Variants in TRIM67 observed in about 807,000 individuals in gnomAD.
TRIM67 encodes the protein tripartite motif-containing protein 67.
A neutral mutation model predicts 71.0 loss-of-function variants in TRIM67; 39 were observed. The observed-to-expected ratio is 0.55, with a 90% CI of 0.43 to 0.72. TRIM67 has a LOEUF of 0.72. Among genes scored for constraint, TRIM67 ranks in the 30% least tolerant of loss-of-function variants. The pLI is 0.00. For synonymous variants in TRIM67, 481 were observed against 473.9 expected (o/e 1.01, Z -0.19); for missense variants, 973 against 1,079.2 (o/e 0.90, Z 1.38).
At chr1:231,208,633 CTG>C (rs528560696) in intron 7 of TRIM67, among the ~76,000 whole-genome samples, 49 of 152,268 alleles carry the variant, frequency 3.2e-4, no homozygotes, top group Non-Finnish European at 6.3e-4. Flanking sequence ...GTATTTCTAA[CTG>C]TGAGCATTTG....
chr1:231,190,597 C>T (rs1203810532), intron 1 of TRIM67, among the ~76,000 whole-genome samples: 2 of 152,144 alleles, frequency 1.3e-5, no homozygotes, highest in Non-Finnish European at 2.9e-5. Flanking sequence ...TTGCTCCCTT[C>T]GTAGCCAATG....
intron 1 of TRIM67, chr1:231,185,338 A>C: frequency 3.0e-6 from 3 of 989,484 alleles, no homozygotes; most frequent in Non-Finnish European, 4.4e-6. Flanking sequence ...GTCAGAAGGG[A>C]GAATGGCTCT....
chr1:231,163,192 C>T lies in TRIM67; in HGVS notation c.223C>T (p.Pro75Ser), dbSNP rs1439287694. 6.7e-7 allele frequency: 1 copy of T among 1,501,182 alleles called. No homozygotes were observed. Among genetic ancestry groups the T allele is most frequent in the African/African-American group, 1.5e-5 (1 of 68,864 alleles). The allele number at this position is 1,501,182 out of a possible 1,614,324, so 93.0% of individuals were successfully genotyped here. Residue 75 changes from proline (P) to serine (S), a missense_variant, in exon 1 of 10, where the codon CCG (proline) becomes TCG (serine). This residue lies in a region of TRIM67 where 795 missense variants were observed against 831.3 expected (regional missense o/e 0.96). Coordinates refer to ENST00000366653, the MANE Select transcript of TRIM67 (RefSeq NM_001004342.5). ...ASLEHDAAAG[P>S]ACGGAGGSAA... The stretch of plus-strand genomic sequence containing the variant: ...TCTGGAGCACGACGCTGCGGCTGGC[C>T]CGGCCTGCGGCGGTGCAGGCGGGAG...
chr1:231,173,340 G>A (rs1884427), intron 1 of TRIM67, among the ~76,000 whole-genome samples: 17,859 of 152,100 alleles, frequency 0.12, 1,341 homozygotes, highest in East Asian at 0.28. Flanking sequence ...TGAGGCCAGG[G>A]GTTCAAAACC....
At chr1:231,208,182 T>TG (rs1683765442) in intron 7 of TRIM67, among the ~76,000 whole-genome samples, 1 of 151,716 alleles carries the variant, frequency 6.6e-6, no homozygotes, top group South Asian at 2.1e-4. Flanking sequence ...CGAATTTTTT[T>TG]TTTTTTTTTG....
Position 231,163,775 on chromosome 1 carries a change from G to A in TRIM67, c.806G>A (p.Gly269Asp), listed in dbSNP as rs1682367414. The A allele has an allele frequency of 2.0e-6, 3 of 1,489,652 alleles. No individual in the cohort carries two copies. Among genetic ancestry groups the A allele is most frequent in the African/African-American group, 2.9e-5 (2 of 68,500 alleles). 92.3% of individuals were successfully genotyped at this position (1,489,652 alleles called of 1,614,324 possible). ...GCCGAGGCAGCCTCCGGGCCCACTG[G>A]CACCGCCCAGGGCGCCCCCAGCGGA... is the stretch of plus-strand genomic sequence containing the variant. Reference protein sequence around the residue: ...PPAEAASGPTGTAQGAPSGGG... With the variant: ...PPAEAASGPTDTAQGAPSGGG... Residue 269 changes from glycine to aspartate, a missense_variant, in exon 1 of 10, where the codon GGC (glycine) becomes GAC (aspartate). Physicochemically the swap from Gly to Asp is moderately conservative, Grantham distance 94. Around this residue, in one of 2 missense-constraint regions of TRIM67, gnomAD observed 795 missense variants for 831.3 expected, o/e 0.96. Transcript: ENST00000366653.
chr1:231,195,194 C>A (rs1683335497), intron 1 of TRIM67, among the ~76,000 whole-genome samples: 1 of 152,150 alleles, frequency 6.6e-6, no homozygotes, highest in Non-Finnish European at 1.5e-5. Context: ...CAGAAGCCTG[C>A]CAAATGTGAC....
chr1:231,178,552 G>A (rs1682815791), intron 1 of TRIM67, among the ~76,000 whole-genome samples: 1 of 152,204 alleles, frequency 6.6e-6, no homozygotes, highest in Non-Finnish European at 1.5e-5. Context: ...TCTTAGTGAC[G>A]GTGTCCTCTT....
At position 231,218,104 on chromosome 1, in the gene TRIM67, G is replaced by A. The variant is rs1684059364; in HGVS notation, c.*2664G>A. The A allele has an allele frequency of 1.5e-5, 16 of 1,075,142 alleles. No individual in the cohort carries two copies. The highest frequency in any genetic ancestry group is 4.4e-5 in the Admixed American group (1 of 22,506). The allele number at this position is 1,075,142 out of a possible 1,614,324, so 66.6% of individuals were successfully genotyped here. ...TGACTTCAAAGAGAACGACAGGTCC[G>A]TGCCACACACTTGTGTTTTTGAGGG... On this transcript the variant is annotated 3_prime_UTR_variant, in exon 10 of 10. Coordinates refer to ENST00000366653, the MANE Select transcript of TRIM67 (RefSeq NM_001004342.5).
chr1:231,201,448 C>T lies in TRIM67; in HGVS notation c.1465C>T (p.Leu489=), dbSNP rs749694806. The T allele has an allele frequency of 1.9e-6, 3 of 1,613,648 alleles. No homozygotes were observed. The East Asian group carries it at 6.7e-5, about 36-fold the overall frequency. The part of the protein sequence containing the change: ...LEPKVSAEFD[L]TLDSEPLLQA... ...GCCGAAAGTGTCTGCGGAGTTTGAT[C>T]TGACTTTGGACAGCGAGCCGCTGCT... Residue 489 remains leucine (L), a synonymous_variant, in exon 5 of 10, where the codon CTG becomes TTG. Coordinates refer to ENST00000366653, the MANE Select transcript of TRIM67 (RefSeq NM_001004342.5).
In TRIM67 at chr1:231,219,503, G is replaced by T; in HGVS notation, c.*4063G>T. On this transcript the variant is annotated 3_prime_UTR_variant, in exon 10 of 10. Coordinates refer to ENST00000366653, the MANE Select transcript of TRIM67 (RefSeq NM_001004342.5). ...GCCCAGGATTTTCCATGTGTCTTCA[G>T]GGGGCAGGTAGGGGAAAATGGGGTG... 9.4e-7 allele frequency: 1 copy of T among 1,067,172 alleles called. No homozygotes were observed. Among genetic ancestry groups the T allele is most frequent in the East Asian group, 8.5e-5 (1 of 11,790 alleles). The allele number at this position is 1,067,172 out of a possible 1,614,324, so 66.1% of individuals were successfully genotyped here. A position where few individuals can be genotyped will look rare whatever the true frequency, so the allele number is the denominator to read the frequency against.
Position 231,208,159 on chromosome 1 carries a change from C to T in TRIM67, c.1820-788C>T, listed in dbSNP as rs964175432. ...AAGCAGCTGGGACTATAGGCGCCCACCACCATGTCCAGCGAATTTTTTTTT... is the reference window on the plus strand; with the variant it reads ...AAGCAGCTGGGACTATAGGCGCCCATCACCATGTCCAGCGAATTTTTTTTT... On this transcript the variant is annotated intron_variant, in intron 7 of 9. Transcript: ENST00000366653. Among the ~76,000 whole-genome samples the T allele has an allele frequency of 2.6e-5, 4 of 151,620 alleles. No individual in the cohort carries two copies. In the East Asian group the frequency reaches 7.8e-4, roughly 29 times the overall value.
chr1:231,183,582 C>T (rs992059383), intron 1 of TRIM67, among the ~76,000 whole-genome samples: 3 of 152,106 alleles, frequency 2.0e-5, no homozygotes, highest in Non-Finnish European at 4.4e-5. Context: ...CCACTGCAAT[C>T]CAGACTGGAC....
intron 5 of TRIM67, among the ~76,000 whole-genome samples, chr1:231,202,168 T>TAGTCATGGAGGAGGAGAGGGA (rs1558304117): frequency 2.3e-4 from 1 of 4,352 alleles, no homozygotes; most frequent in African/African-American, 7.8e-4. Flanking sequence ...GAGGAGGTAG[T>TAGTCATGGAGGAGGAGAGGGA]GGAGGAGGAG....
chr1:231,200,623 G>A (rs1271633322), intron 4 of TRIM67, among the ~76,000 whole-genome samples: 3 of 152,156 alleles, frequency 2.0e-5, no homozygotes, highest in Admixed American at 6.5e-5. Context: ...CTGCAGGCCT[G>A]GCTGGTGACC....
In TRIM67 at chr1:231,217,989, C is replaced by G; in HGVS notation, c.*2549C>G. 8.2e-7 allele frequency: 1 copy of G among 1,222,466 alleles called. No homozygotes were observed. The highest frequency in any genetic ancestry group is 1.0e-6 in the Non-Finnish European group (1 of 957,776). The allele number at this position is 1,222,466 out of a possible 1,614,324, so 75.7% of individuals were successfully genotyped here. On this transcript the variant is annotated 3_prime_UTR_variant, in exon 10 of 10. Coordinates refer to ENST00000366653, the MANE Select transcript of TRIM67 (RefSeq NM_001004342.5). ...CCCTTTTCTGACTCCTCCAGGAGCC[C>G]AGAAGCAATACGGCCGATGCCAGGG...
intron 6 of TRIM67, 63 bp downstream of exon 6, chr1:231,204,075 C>T: frequency 1.3e-6 from 2 of 1,596,056 alleles, no homozygotes; most frequent in South Asian, 2.3e-5. Context: ...GGAGTGGCTC[C>T]CACTGCCCCA....
In TRIM67 at chr1:231,163,685, A is replaced by T; in HGVS notation, c.716A>T (p.His239Leu). ...TGCTCTGCCTGCCAGCTCAAGTGCC[A>T]TCCATCCCGGGGACCCTTCGCCAAG... ...LYCSACQLKC[H>L]PSRGPFAKHR... is the part of the protein sequence containing the mutation. Residue 239 changes from histidine (H) to leucine (L), a missense_variant, in exon 1 of 10, where the codon CAT (histidine) becomes CTT (leucine). Transcript: ENST00000366653. The T allele has an allele frequency of 6.6e-7, 1 of 1,513,076 alleles. No individual in the cohort carries two copies. Among genetic ancestry groups the T allele is most frequent in the Non-Finnish European group, 8.8e-7 (1 of 1,132,194 alleles). 93.7% of individuals were successfully genotyped at this position (1,513,076 alleles called of 1,614,324 possible).
At chr1:231,211,918 A>T (rs774279143) in intron 8 of TRIM67, among the ~76,000 whole-genome samples, 1 of 152,138 alleles carries the variant, frequency 6.6e-6, no homozygotes, top group Non-Finnish European at 1.5e-5. Flanking sequence ...CTATAAAATA[A>T]TTTAAAAATT....
Sources: allele counts gnomAD v4.1 joint callset (sites outside exome capture counted in the v4.1 genomes callset), GRCh38; gene constraint gnomAD v4.1.1; regional missense constraint gnomAD v4.1.1; transcripts MANE v1.5; gene names NCBI Gene and HGNC (gene_info 2026-07-23, HGNC 2026-07-21).